Variants in NRG3 observed in about 807,000 individuals in gnomAD.
The protein encoded by NRG3 is pro-neuregulin-3, membrane-bound isoform.
In NRG3, 31 loss-of-function variants were observed where a neutral mutation model predicts 66.9. That is an observed-to-expected ratio of 0.46 (90% CI 0.35 to 0.63). The LOEUF is 0.63. Among genes scored for constraint, NRG3 ranks in the 20% least tolerant of loss-of-function variants. NRG3 has a pLI of 0.00. For missense variants in NRG3, 910 were observed against 878.9 expected (o/e 1.04, Z -0.45); for synonymous variants, 393 against 359.4 (o/e 1.09, Z -1.06).
chr10:82,720,123 C>T (rs997868951), intron 2 of NRG3, among the ~76,000 whole-genome samples: 1 of 152,208 alleles, frequency 6.6e-6, no homozygotes, highest in Non-Finnish European at 1.5e-5. Flanking sequence ...GGCACAGTGG[C>T]TCATGCCTGT....
rs1418588053 is a variant in NRG3 at position 82,079,107 on chromosome 10, C to T, written c.823+202944C>T. On this transcript the variant is annotated intron_variant, in intron 1 of 8. Transcript: ENST00000372141. The stretch of plus-strand genomic sequence containing the variant: ...TTTGAGATGGAGTTCCACTCTTTCG[C>T]GATCTCGGCTCACTGCAACCTCCGC... Among the ~76,000 whole-genome samples, 12 of 151,636 alleles carry T rather than the reference C, an allele frequency of 7.9e-5. No individual in the cohort carries two copies. In the East Asian group the frequency reaches 9.7e-4, roughly 12 times the overall value.
intron 2 of NRG3, among the ~76,000 whole-genome samples, chr10:82,603,564 C>G (rs961124021): frequency 4.6e-5 from 7 of 152,080 alleles, no homozygotes; most frequent in African/African-American, 1.7e-4. Context: ...CTAGTACTTT[C>G]CTTTTACTTA....
intron 1 of NRG3, among the ~76,000 whole-genome samples, chr10:82,258,611 A>T (rs142769932): frequency 8.5e-5 from 13 of 152,358 alleles, no homozygotes; most frequent in African/African-American, 2.9e-4. Context: ...TTGCCCAATA[A>T]TGCAAAATTG....
intron 1 of NRG3, among the ~76,000 whole-genome samples, chr10:82,099,109 T>G (rs2132085119): frequency 6.6e-6 from 1 of 152,318 alleles, no homozygotes; most frequent in Non-Finnish European, 1.5e-5. Context: ...TTATAAATTA[T>G]GATTTCTTTT....
chr10:82,496,163 G>A (rs1843614909), intron 2 of NRG3, among the ~76,000 whole-genome samples: 1 of 152,106 alleles, frequency 6.6e-6, no homozygotes, highest in African/African-American at 2.4e-5. Flanking sequence ...AAATGTTAAG[G>A]AGACTGATAC....
rs117383315 is a variant in NRG3 at position 82,665,365 on chromosome 10, C to T, written c.954-73212C>T. 3.4e-3 allele frequency among the ~76,000 whole-genome samples: 519 copies of T among 152,244 alleles called. 2 individuals carry two copies. Among genetic ancestry groups the T allele is most frequent in the Middle Eastern group, 0.031 (9 of 294 alleles). On this transcript the variant is annotated intron_variant, in intron 2 of 8. Coordinates refer to ENST00000372141, the MANE Select transcript of NRG3 (RefSeq NM_001010848.4). ...ATCATCAACAATTTTTTGTAGACAC[C>T]ATCTTTTATTAAAATGTTGGTATTA...
At chr10:82,782,215 C>T (rs559759876) in intron 3 of NRG3, among the ~76,000 whole-genome samples, 1 of 152,190 alleles carries the variant, frequency 6.6e-6, no homozygotes, top group East Asian at 1.9e-4. Flanking sequence ...GAGGGCTCTG[C>T]CCTTACAAAT....
At chr10:82,018,612 G>C (rs1487212368) in intron 1 of NRG3, among the ~76,000 whole-genome samples, 5 of 152,042 alleles carry the variant, frequency 3.3e-5, no homozygotes, top group Non-Finnish European at 5.9e-5. Context: ...TTATTTCGTT[G>C]AGCAGTGGTT....
At chr10:81,894,864 C>A (rs750712713) in intron 1 of NRG3, among the ~76,000 whole-genome samples, 21 of 152,310 alleles carry the variant, frequency 1.4e-4, no homozygotes, top group Non-Finnish European at 2.9e-4. Context: ...CTCCAACCAC[C>A]ACAAGTCTAC....
chr10:82,949,617 G>A (rs1413002860), intron 4 of NRG3, among the ~76,000 whole-genome samples: 1 of 152,254 alleles, frequency 6.6e-6, no homozygotes, highest in East Asian at 1.9e-4. Flanking sequence ...CACTTTGGGA[G>A]GCCGAGGCAG....
intron 2 of NRG3, among the ~76,000 whole-genome samples, chr10:82,427,044 C>A (rs2089494175): frequency 6.6e-6 from 1 of 152,078 alleles, no homozygotes; most frequent in South Asian, 2.1e-4. Context: ...ATCGTGCAAT[C>A]ATACTGAACT....
chr10:82,544,349 C>T (rs1373459594), intron 2 of NRG3, among the ~76,000 whole-genome samples: 5 of 151,906 alleles, frequency 3.3e-5, no homozygotes, highest in African/African-American at 9.7e-5. Flanking sequence ...TGTTTTTTCC[C>T]CTAAAAGTTT....
At chr10:82,061,895 A>C (rs576803344) in intron 1 of NRG3, among the ~76,000 whole-genome samples, 131 of 151,658 alleles carry the variant, frequency 8.6e-4, no homozygotes, top group African/African-American at 2.9e-3. Context: ...ACACACATAC[A>C]TCTCTTAAAA....
In NRG3 at chr10:82,738,572, C is replaced by T; in HGVS notation, c.954-5C>T. 1.2e-6 allele frequency: 2 copies of T among 1,613,584 alleles called. No individual in the cohort carries two copies. Among genetic ancestry groups the T allele is most frequent in the Admixed American group, 1.7e-5 (1 of 60,004 alleles). On this transcript the variant is annotated splice_polypyrimidine_tract_variant and splice_region_variant and intron_variant, in intron 2 of 8. Transcript: ENST00000372141. Reference sequence around the variant, plus strand: ...GTATGTTTGTCATTTATCCCCTTTTCTCAGGTGCAAAGAAGGCTACCAAGG... The same window carrying T: ...GTATGTTTGTCATTTATCCCCTTTTTTCAGGTGCAAAGAAGGCTACCAAGG...
intron 2 of NRG3, among the ~76,000 whole-genome samples, chr10:82,362,404 T>C (rs1051089126): frequency 2.7e-5 from 4 of 147,472 alleles, no homozygotes; most frequent in Admixed American, 6.8e-5. Context: ...GAGGGACCCT[T>C]GCTCTGTCAC....
chr10:81,944,622 G>T (rs77475604), intron 1 of NRG3, among the ~76,000 whole-genome samples: 1 of 152,084 alleles, frequency 6.6e-6, no homozygotes, highest in Non-Finnish European at 1.5e-5. Flanking sequence ...GTAAACAAAA[G>T]GCAATGATAT....
chr10:82,904,968 A>AGTCCTAGGC (rs1488844191), intron 4 of NRG3, among the ~76,000 whole-genome samples: 5 of 152,176 alleles, frequency 3.3e-5, no homozygotes, highest in African/African-American at 1.2e-4. Flanking sequence ...GCATGATCTA[A>AGTCCTAGGC]ATTTATAGTA....
intron 3 of NRG3, among the ~76,000 whole-genome samples, chr10:82,862,975 G>C (rs1486139316): frequency 2.0e-5 from 3 of 151,980 alleles, no homozygotes; most frequent in Non-Finnish European, 4.4e-5. Context: ...AGCCCCACAT[G>C]CATTACGTAT....
At chr10:81,983,486 G>T (rs1310454565) in intron 1 of NRG3, among the ~76,000 whole-genome samples, 1 of 152,136 alleles carries the variant, frequency 6.6e-6, no homozygotes, top group South Asian at 2.1e-4. Context: ...ATGTATTTTT[G>T]TGTGATGCAA....
Sources: allele counts gnomAD v4.1 joint callset (sites outside exome capture counted in the v4.1 genomes callset), GRCh38; gene constraint gnomAD v4.1.1; transcripts MANE v1.5; gene names NCBI Gene and HGNC (gene_info 2026-07-23, HGNC 2026-07-21).